Variants in TRMT6 observed in about 807,000 individuals in gnomAD.
TRMT6 encodes tRNA methyltransferase 6 non-catalytic subunit.
Under a neutral mutation model 59.0 loss-of-function variants are expected in TRMT6, and 34 were observed. The observed-to-expected ratio is 0.58, with a 90% CI of 0.44 to 0.77. The LOEUF (loss-of-function observed/expected upper bound fraction) is 0.77, where lower values mean the gene tolerates loss of function less well. Among genes scored for constraint, TRMT6 ranks in the 30% least tolerant of loss-of-function variants. TRMT6 has a pLI of 0.00. For synonymous variants in TRMT6, 217 were observed against 210.5 expected, an observed-to-expected ratio of 1.03 and a Z score of -0.27; for missense variants, 575 against 604.5, an observed-to-expected ratio of 0.95 and a Z score of 0.51.
intron 7 of TRMT6, 54 bp from the exon 8 acceptor site, chr20:5,942,090 T>C (rs1372895530): frequency 2.1e-6 from 3 of 1,432,296 alleles, no homozygotes; most frequent in African/African-American, 1.4e-5. Flanking sequence ...GTCAAATTTA[T>C]GGAAATGCTC....
rs776554574 is a variant in TRMT6, at chr20:5,942,022, C to T, written c.1041G>A (p.Gln347=). ...TTTTCCTCTGCTCTTCTTGTCTCCTCTGTTTTTCCTGAATCTTCAAAAAGA... is the reference window on the plus strand; with the variant it reads ...TTTTCCTCTGCTCTTCTTGTCTCCTTTGTTTTTCCTGAATCTTCAAAAAGA... ...GSKKDYIQEK[Q]RRQEEQRKRH... The change falls in exon 8 of 11, where the codon CAG becomes CAA. Residue 347 remains glutamine (Q), a synonymous_variant. Transcript: ENST00000203001. 3.6e-5 allele frequency: 58 copies of T among 1,612,550 alleles called. No individual in the cohort carries two copies. The highest frequency in any genetic ancestry group is 4.7e-5 in the Non-Finnish European group (56 of 1,179,972).
In TRMT6 at chr20:5,942,689, A is replaced by G. The variant is rs756261832; in HGVS notation, c.765T>C (p.Tyr255=). The stretch of plus-strand genomic sequence containing the variant: ...TGTCCACTTTGTTGAGAGGGAATTC[A>G]TAAAGACCACTGAGAAAAGATTTGG... ...GFPKSFLSGL[Y]EFPLNKVDSL... Residue 255 remains tyrosine (Y), a synonymous_variant, in exon 7 of 11, where the codon TAT becomes TAC. Coordinates refer to ENST00000203001, the MANE Select transcript of TRMT6 (RefSeq NM_015939.5). The G allele has an allele frequency of 5.6e-6, 9 of 1,614,108 alleles. No individual in the cohort carries two copies. The highest frequency in any genetic ancestry group is 7.6e-6 in the Non-Finnish European group (9 of 1,180,050).
chr20:5,941,243 C>G lies in TRMT6; in HGVS notation c.1215G>C (p.Glu405Asp). 2 of 1,613,344 alleles carry G rather than the reference C, an allele frequency of 1.2e-6. No homozygotes were observed. Among genetic ancestry groups the G allele is most frequent in the South Asian group, 2.2e-5 (2 of 91,060 alleles). The change falls in exon 9 of 11, where the codon GAG becomes GAC. Residue 405 changes from glutamate (E) to aspartate (D), a missense_variant and splice_region_variant. By Grantham distance (45) the Glu-to-Asp change is conservative. Coordinates refer to ENST00000203001, the MANE Select transcript of TRMT6 (RefSeq NM_015939.5). ...CCTGCCCATTCCATTCCAGTATTAC[C>G]TCTTTGTACTGACAGTAGACCACAA... is the stretch of plus-strand genomic sequence containing the variant. Reference protein sequence around the residue: ...RPFVVYCQYKEPLLECYTKLR... With the variant: ...RPFVVYCQYKDPLLECYTKLR...
rs141824756 is a variant in TRMT6 at position 5,950,524 on chromosome 20, C to G, written c.-119G>C. 81 of 1,150,450 alleles carry G rather than the reference C, an allele frequency of 7.0e-5. 1 individual carries two copies. In the African/African-American group the frequency reaches 1.1e-3, roughly 16 times the overall value. 71.3% of individuals were successfully genotyped at this position (1,150,450 alleles called of 1,614,324 possible). A position where few individuals can be genotyped will look rare whatever the true frequency, so the allele number is the denominator to read the frequency against. On this transcript the variant is annotated 5_prime_UTR_variant, in exon 1 of 11. Transcript: ENST00000203001. The stretch of plus-strand genomic sequence containing the variant: ...GGAGCCCTCCGACCGGCACCGCCCC[C>G]ACGTGTTGCACGCCGCTTCCGCTTT...
At chr20:5,947,239 C>T (rs2088715579) in intron 1 of TRMT6, among the ~76,000 whole-genome samples, 1 of 152,186 alleles carries the variant, frequency 6.6e-6, no homozygotes, top group Non-Finnish European at 1.5e-5. Context: ...TCATTCTTTC[C>T]ACTATACCAC....
intron 1 of TRMT6, among the ~76,000 whole-genome samples, 183 bp from the exon 2 acceptor site, chr20:5,946,716 A>G (rs184131467): frequency 5.4e-4 from 83 of 152,338 alleles, no homozygotes; most frequent in Admixed American, 5.2e-3. Flanking sequence ...AAATTAATGA[A>G]TAAGCCACAA....
Position 5,937,833 on chromosome 20 carries a change from G to A in TRMT6, c.*702C>T, listed in dbSNP as rs923571285. 6.6e-6 allele frequency: 1 copy of A among 152,052 alleles called. No individual in the cohort carries two copies. The highest frequency in any genetic ancestry group is 1.5e-5 in the Non-Finnish European group (1 of 68,020). 9.4% of individuals were successfully genotyped at this position (152,052 alleles called of 1,614,324 possible). On this transcript the variant is annotated 3_prime_UTR_variant, in exon 11 of 11. Transcript: ENST00000203001. ...ATGTGTATCCATAAGACCATAGAGG[G>A]GGAAAAGACATTTGTTTCCTTTAAT...
intron 3 of TRMT6, among the ~76,000 whole-genome samples, 183 bp from the exon 4 acceptor site, chr20:5,944,436 T>C (rs1245347412): frequency 1.3e-5 from 2 of 152,200 alleles, no homozygotes; most frequent in Non-Finnish European, 2.9e-5. Flanking sequence ...AAAATACAAG[T>C]ACTTTATAAC....
At chr20:5,949,257 A>G (rs1167760266) in intron 1 of TRMT6, among the ~76,000 whole-genome samples, 1 of 151,654 alleles carries the variant, frequency 6.6e-6, no homozygotes, top group Non-Finnish European at 1.5e-5. Flanking sequence ...GCCACTAGGG[A>G]GGCTGAGGCA....
Position 5,941,609 on chromosome 20 carries a change from C to T in TRMT6, c.1113-264G>A, listed in dbSNP as rs776060245. The T allele has an allele frequency of 7.3e-6, 4 of 551,004 alleles. No individual in the cohort carries two copies. The East Asian group carries it at 1.2e-4, about 17-fold the overall frequency. 34.1% of individuals were successfully genotyped at this position (551,004 alleles called of 1,614,324 possible). ...ATTCTTGATTTTTTAAAAAAAATCA[C>T]CTGGAAACAAATCCAACACTGCATA... is the stretch of plus-strand genomic sequence containing the variant. On this transcript the variant is annotated intron_variant, in intron 8 of 10. Coordinates refer to ENST00000203001, the MANE Select transcript of TRMT6 (RefSeq NM_015939.5).
chr20:5,944,834 CT>C lies in TRMT6; in HGVS notation c.336del (p.Ala113LeufsTer2). On this transcript the variant is annotated frameshift_variant, in exon 3 of 11. Transcript: ENST00000203001. LOFTEE classifies it high-confidence loss of function. ...CCTTTAATGCCCTTGTCCTTCAAAG[CT>C]TTTATGTCATCTTGAGTAAGTTTCT... ...KSQKLTQDDI[K>X]ALKDKGIKGE... 6.2e-7 allele frequency: 1 copy of C among 1,613,830 alleles called. No individual in the cohort carries two copies. Among genetic ancestry groups the C allele is most frequent in the Non-Finnish European group, 8.5e-7 (1 of 1,179,760 alleles).
rs2088784391 is a variant in TRMT6, at chr20:5,950,513, G to C, written c.-108C>G. 12 of 1,282,006 alleles carry C rather than the reference G, an allele frequency of 9.4e-6. No individual in the cohort carries two copies. The highest frequency in any genetic ancestry group is 7.2e-6 in the Non-Finnish European group (7 of 968,014). 79.4% of individuals were successfully genotyped at this position (1,282,006 alleles called of 1,614,324 possible). A position where few individuals can be genotyped will look rare whatever the true frequency, so the allele number is the denominator to read the frequency against. On this transcript the variant is annotated 5_prime_UTR_variant, in exon 1 of 11. Transcript: ENST00000203001. ...CTGGCGCACTAGGAGCCCTCCGACC[G>C]GCACCGCCCCCACGTGTTGCACGCC... is the stretch of plus-strand genomic sequence containing the variant.
intron 2 of TRMT6, among the ~76,000 whole-genome samples, chr20:5,945,830 A>G (rs2122607947): frequency 6.6e-6 from 1 of 152,352 alleles, no homozygotes; most frequent in Admixed American, 6.5e-5. Flanking sequence ...GTTAAGAAAT[A>G]ATAATAGTAA....
Position 5,938,669 on chromosome 20 carries a change from G to A in TRMT6, c.1360C>T (p.Leu454Phe). 2 of 1,614,206 alleles carry A rather than the reference G, an allele frequency of 1.2e-6. No individual in the cohort carries two copies. Among genetic ancestry groups the A allele is most frequent in the Non-Finnish European group, 1.7e-6 (2 of 1,180,040 alleles). Residue 454 changes from leucine to phenylalanine, a missense_variant, in exon 11 of 11, where the codon CTC becomes TTC. Leu to Phe is a conservative substitution (Grantham distance 22). Transcript: ENST00000203001. ...LLMSGGGGYL[L>F]SGFTVAMDNL... ...TCCATGGCAACGGTGAAGCCGGAGA[G>A]AAGATAACCCCCACCTCCACTCATC...
At chr20:5,942,122 C>T (rs968768903) in intron 7 of TRMT6, 86 bp from the exon 8 acceptor site, 2 of 1,192,624 alleles carry the variant, frequency 1.7e-6, no homozygotes, top group African/African-American at 3.0e-5. Context: ...AACATTTCAA[C>T]AATATTTATC....
rs751489279 is a variant in TRMT6, at chr20:5,938,713, C to T, written c.1316G>A (p.Arg439Gln). The T allele has an allele frequency of 7.4e-6, 12 of 1,613,914 alleles. No homozygotes were observed. The African/African-American group carries it at 1.1e-4, about 14-fold the overall frequency. ...ACTCATCAGCAGTTTAGGATGACTT[C>T]GATCTGGCAAAACCTAATCAAGACA... ...WLRNYQVLPD[R>Q]SHPKLLMSGG... Residue 439 changes from arginine to glutamine, a missense_variant, in exon 11 of 11, where the codon CGA (arginine) becomes CAA (glutamine). Transcript: ENST00000203001.
intron 8 of TRMT6, 106 bp downstream of exon 8, chr20:5,941,845 C>G: frequency 2.1e-6 from 2 of 966,750 alleles, no homozygotes; most frequent in Non-Finnish European, 3.1e-6. Flanking sequence ...ATCCTCATCT[C>G]GGGTCCCACT....
At chr20:5,942,176 T>C in intron 7 of TRMT6, 140 bp from the exon 8 acceptor site, 1 of 803,258 alleles carries the variant, frequency 1.2e-6, no homozygotes, top group South Asian at 1.6e-5. Context: ...ATAAGGAAGT[T>C]GCAAATACAC....
At chr20:5,949,220 G>A (rs73596146) in intron 1 of TRMT6, among the ~76,000 whole-genome samples, 8,079 of 147,648 alleles carry the variant, frequency 0.055, 405 homozygotes, top group South Asian at 0.12. Context: ...AAAAAGATTA[G>A]CCGAGTGTGA....
Sources: gnomAD v4.1 joint callset for allele counts (sites outside exome capture counted in the v4.1 genomes callset) on GRCh38, gnomAD v4.1.1 for gene constraint, MANE v1.5 for transcripts, NCBI Gene and HGNC (gene_info 2026-07-23, HGNC 2026-07-21) for gene names.